ELOVL4: variants seen among roughly 807,000 people sequenced by gnomAD.
ELOVL4 encodes very long chain fatty acid elongase 4.
A neutral mutation model predicts 42.1 loss-of-function variants in ELOVL4; 18 were observed. The observed-to-expected ratio is 0.43, with a 90% CI of 0.30 to 0.63. The LOEUF is 0.63. Ranked by LOEUF, ELOVL4 falls within the 30% of genes least tolerant of loss-of-function variation. The pLI is 0.15. For synonymous variants in ELOVL4, 117 were observed against 127.0 expected (o/e 0.92, Z 0.53); for missense variants, 299 against 376.2 (o/e 0.79, Z 1.70).
intron 1 of ELOVL4, among the ~76,000 whole-genome samples, chr6:79,944,723 T>C (rs1774707091): frequency 6.6e-6 from 1 of 152,172 alleles, no homozygotes; most frequent in Non-Finnish European, 1.5e-5. Flanking sequence ...ACTACAGCAC[T>C]AGGAATGAGA....
At chr6:79,939,992 C>T (rs1285450252) in intron 1 of ELOVL4, among the ~76,000 whole-genome samples, 3 of 152,136 alleles carry the variant, frequency 2.0e-5, no homozygotes, top group African/African-American at 7.2e-5. Context: ...TGCGTTTATC[C>T]ATTTATCCAA....
At chr6:79,945,132 T>C (rs1398981255) in intron 1 of ELOVL4, among the ~76,000 whole-genome samples, 1 of 151,902 alleles carries the variant, frequency 6.6e-6, no homozygotes, top group African/African-American at 2.4e-5. Flanking sequence ...CAGAACAGAC[T>C]ATATCCACTA....
chr6:79,939,150 T>C (rs887805347), intron 1 of ELOVL4, among the ~76,000 whole-genome samples: 41 of 152,358 alleles, frequency 2.7e-4, no homozygotes, highest in African/African-American at 8.9e-4. Flanking sequence ...AACAGCTATA[T>C]AGTCTCTTTA....
intron 1 of ELOVL4, among the ~76,000 whole-genome samples, chr6:79,942,804 TTAGCTATTAAAGTCTAGCAGTC>T (rs1265556189): frequency 6.6e-6 from 1 of 152,178 alleles, no homozygotes; most frequent in Non-Finnish European, 1.5e-5. Flanking sequence ...GATAAGAGCA[TTAGCTATTAAAGTCTAGCAGTC>T]TACCACCAAA....
In ELOVL4 at chr6:79,921,713, G is replaced by A. The variant is rs1267849674; in HGVS notation, c.453C>T (p.Asn151=). 1 of 1,613,890 alleles carries A rather than the reference G, an allele frequency of 6.2e-7. No homozygotes were observed. Residue 151 remains asparagine (N), a synonymous_variant, in exon 4 of 6, where the codon AAC becomes AAT. Coordinates refer to ENST00000369816, the MANE Select transcript of ELOVL4 (RefSeq NM_022726.4). ...DTVFFILRKK[N]NQVSFLHVYH... is the part of the protein sequence containing the mutation. The stretch of plus-strand genomic sequence containing the variant: ...ACACATGAAGGAAAGAAACTTGGTT[G>A]TTTTTCTTTCTCAGAATAAAAAACA...
intron 1 of ELOVL4, among the ~76,000 whole-genome samples, chr6:79,928,324 T>C (rs1365874604): frequency 1.3e-5 from 2 of 152,072 alleles, no homozygotes; most frequent in Non-Finnish European, 1.5e-5. Flanking sequence ...GGAAGATAAA[T>C]GTATCTGTGA....
intron 1 of ELOVL4, among the ~76,000 whole-genome samples, chr6:79,937,539 A>G (rs1183060352): frequency 6.6e-6 from 1 of 152,156 alleles, no homozygotes; most frequent in Non-Finnish European, 1.5e-5. Flanking sequence ...AATGGGGATA[A>G]TAACGGTACC....
Position 79,916,448 on chromosome 6 carries a change from TG to T in ELOVL4, c.*159del. On this transcript the variant is annotated 3_prime_UTR_variant, in exon 6 of 6. Coordinates refer to ENST00000369816, the MANE Select transcript of ELOVL4 (RefSeq NM_022726.4). ...ACTTCATAAATAAAACATCTGGGTATGGTATTAACACTTTACTCAGTCTAAG... is the reference window on the plus strand; with the variant it reads ...ACTTCATAAATAAAACATCTGGGTATGTATTAACACTTTACTCAGTCTAAG... The T allele has an allele frequency of 1.3e-6, 1 of 754,154 alleles. No individual in the cohort carries two copies. The highest frequency in any genetic ancestry group is 2.2e-6 in the Non-Finnish European group (1 of 454,780). 46.7% of individuals were successfully genotyped at this position (754,154 alleles called of 1,614,324 possible).
intron 1 of ELOVL4, among the ~76,000 whole-genome samples, chr6:79,927,493 G>A: frequency 6.6e-6 from 1 of 152,064 alleles, no homozygotes; most frequent in East Asian, 1.9e-4. Context: ...GCCTGTATAT[G>A]CAAAATGCTT....
chr6:79,921,581 T>C (rs1005323181), intron 4 of ELOVL4, 44 bp downstream of exon 4: 2 of 1,512,762 alleles, frequency 1.3e-6, no homozygotes, highest in Non-Finnish European at 9.0e-7. Flanking sequence ...ACTGAACACA[T>C]ATATGCAATT....
chr6:79,928,742 T>TTTTTG (rs1774392747), intron 1 of ELOVL4, among the ~76,000 whole-genome samples: 1 of 143,062 alleles, frequency 7.0e-6, no homozygotes, highest in African/African-American at 2.7e-5. Context: ...TTTTTTTTTT[T>TTTTTG]TTTTTTTTTT....
At chr6:79,928,755 T>TTTTTTTATA (rs1554162853) in intron 1 of ELOVL4, among the ~76,000 whole-genome samples, 1 of 145,406 alleles carries the variant, frequency 6.9e-6, no homozygotes, top group African/African-American at 2.5e-5. Context: ...TTTTTTTTTT[T>TTTTTTTATA]AAGAAATGGA....
In ELOVL4 at chr6:79,916,739, C is replaced by T. The variant is rs148919174; in HGVS notation, c.814G>A (p.Glu272Lys). Residue 272 changes from glutamate to lysine, a missense_variant, in exon 6 of 6, where the codon GAG becomes AAG. Glu to Lys is a moderately conservative substitution (Grantham distance 56). Transcript: ENST00000369816. ...FLNFYIRTYK[E>K]PKKPKAGKTA... The stretch of plus-strand genomic sequence containing the variant: ...TTTCCAGCTTTTGGTTTCTTAGGCT[C>T]TTTGTATGTCCGAATGTAGAAGTTA... 6.2e-7 allele frequency: 1 copy of T among 1,614,036 alleles called. No homozygotes were observed. Among genetic ancestry groups the T allele is most frequent in the Non-Finnish European group, 8.5e-7 (1 of 1,180,026 alleles).
chr6:79,924,388 C>A (rs901928324), intron 3 of ELOVL4, among the ~76,000 whole-genome samples: 1 of 152,144 alleles, frequency 6.6e-6, no homozygotes, highest in African/African-American at 2.4e-5. Flanking sequence ...TTTGCTTTAA[C>A]AAGTACTGCA....
intron 1 of ELOVL4, among the ~76,000 whole-genome samples, chr6:79,928,736 T>TG (rs1462145636): frequency 7.2e-5 from 10 of 138,124 alleles, no homozygotes; most frequent in Admixed American, 2.1e-4. Context: ...GGTTTTTTTT[T>TG]TTTTTTTTTT....
In ELOVL4 at chr6:79,925,043, A is replaced by C. The variant is rs751200164; in HGVS notation, c.289-11T>G. ...TGATCCCATGAATAACTGGAAAAAG[A>C]GTAATAATATTTGTAGTAAAGTTTT... On this transcript the variant is annotated splice_polypyrimidine_tract_variant and intron_variant, in intron 2 of 5. Transcript: ENST00000369816. 5.1e-6 allele frequency: 8 copies of C among 1,557,286 alleles called. 1 individual carries two copies. The Admixed American group carries it at 1.3e-4, about 26-fold the overall frequency.
intron 5 of ELOVL4, 66 bp downstream of exon 5, chr6:79,919,354 A>G: frequency 6.4e-7 from 1 of 1,572,172 alleles, no homozygotes; most frequent in Non-Finnish European, 8.7e-7. Context: ...ATTGCACTTT[A>G]AAATTAATCA....
chr6:79,946,346 A>T (rs972038519), intron 1 of ELOVL4, among the ~76,000 whole-genome samples: 21 of 152,262 alleles, frequency 1.4e-4, no homozygotes, highest in African/African-American at 5.1e-4. Context: ...GGAAAGCTGC[A>T]TAAATCAAAC....
Position 79,919,430 on chromosome 6 carries a change from A to C in ELOVL4, c.659T>G (p.Met220Arg). The C allele has an allele frequency of 6.2e-7, 1 of 1,613,856 alleles. No homozygotes were observed. The highest frequency in any genetic ancestry group is 8.5e-7 in the Non-Finnish European group (1 of 1,179,818). The change falls in exon 5 of 6, where the codon ATG (methionine) becomes AGG (arginine). Residue 220 changes from methionine (M) to arginine (R), a missense_variant. Coordinates refer to ENST00000369816, the MANE Select transcript of ELOVL4 (RefSeq NM_022726.4). ...AAGCATTTAACTCACCAGTTGCAAC[A>C]TAGTCAGGTATCGTTTCCACCAAAG... Reference protein sequence around the residue: ...KYLWWKRYLTMLQLIQFHVTI... With the variant: ...KYLWWKRYLTRLQLIQFHVTI...
Sources: allele counts gnomAD v4.1 joint callset (sites outside exome capture counted in the v4.1 genomes callset), GRCh38; gene constraint gnomAD v4.1.1; transcripts MANE v1.5; gene names NCBI Gene and HGNC (gene_info 2026-07-23, HGNC 2026-07-21).